Variants in TMSB15A observed in about 807,000 individuals in gnomAD.
TMSB15A encodes thymosin beta-15A.
In TMSB15A, 1 loss-of-function variant was observed where a neutral mutation model predicts 3.2. The observed-to-expected ratio is 0.32, with a 90% CI of 0.11 to 1.50. The LOEUF (loss-of-function observed/expected upper bound fraction) is 1.50. Among genes scored for constraint, TMSB15A ranks in the 40% most tolerant of loss-of-function variants. TMSB15A has a pLI of 0.39. For missense variants in TMSB15A, 22 were observed against 27.8 expected, an observed-to-expected ratio of 0.79 and a Z score of 0.47; for synonymous variants, 10 against 11.2, an observed-to-expected ratio of 0.90 and a Z score of 0.21.
chrX:102,514,024 A>T lies in TMSB15A; in HGVS notation c.*63T>A. 8.6e-7 allele frequency: 1 copy of T among 1,169,478 alleles called. No homozygotes were observed. Among genetic ancestry groups the T allele is most frequent in the Admixed American group, 2.2e-5 (1 of 45,961 alleles). ...CTACAAACACATGGGTTTACAAAAA[A>T]CAAGCCTAAAATCAAGACTCTCAGG... On this transcript the variant is annotated 3_prime_UTR_variant, in exon 3 of 3. Coordinates refer to ENST00000289373, the MANE Select transcript of TMSB15A (RefSeq NM_021992.3).
intron 2 of TMSB15A, 114 bp from the exon 3 acceptor site, chrX:102,514,238 G>T: frequency 1.2e-6 from 1 of 855,508 alleles, no homozygotes; most frequent in Non-Finnish European, 1.7e-6. Flanking sequence ...CTTAAATTTA[G>T]AATGCCAAGG....
intron 2 of TMSB15A, among the ~76,000 whole-genome samples, chrX:102,514,452 G>C (rs1240089661): frequency 8.9e-6 from 1 of 112,243 alleles, no homozygotes; most frequent in Non-Finnish European, 1.9e-5. Context: ...CAACTAGGAA[G>C]TTATACCTTT....
At chrX:102,514,962 A>T in intron 2 of TMSB15A, 102 bp downstream of exon 2, 1 of 854,133 alleles carries the variant, frequency 1.2e-6, no homozygotes, top group Non-Finnish European at 1.7e-6. Context: ...TACTCTAATT[A>T]TTGCTTACTT....
intron 1 of TMSB15A, among the ~76,000 whole-genome samples, chrX:102,515,487 G>C (rs1934884210): frequency 9.0e-6 from 1 of 111,713 alleles, no homozygotes; most frequent in African/African-American, 3.3e-5. Flanking sequence ...AAATGGAGGT[G>C]ATAGAAGCAC....
At chrX:102,516,297 G>C (rs1934894047) in intron 1 of TMSB15A, among the ~76,000 whole-genome samples, 1 of 113,119 alleles carries the variant, frequency 8.8e-6, no homozygotes, top group Admixed American at 9.2e-5. Context: ...ACGGCCACGG[G>C]AGGAGAAGGA....
intron 1 of TMSB15A, among the ~76,000 whole-genome samples, chrX:102,516,202 CA>C (rs1334813714): frequency 2.7e-5 from 3 of 112,207 alleles, no homozygotes; most frequent in Non-Finnish European, 5.6e-5. Context: ...TAAATAATAG[CA>C]GGGCCGGGTG....
At position 102,515,066 on chromosome X, in the gene TMSB15A, T is replaced by C; in HGVS notation, c.98A>G (p.Glu33Gly). Residue 33 changes from glutamate (E) to glycine (G), a missense_variant and splice_region_variant, in exon 2 of 3, where the codon GAA becomes GGA. Coordinates refer to ENST00000289373, the MANE Select transcript of TMSB15A (RefSeq NM_021992.3). The stretch of plus-strand genomic sequence containing the variant: ...CACTAGAACCCCCCATGACTTACTT[T>C]CCTTTGAGGGAAGAGTATTTTTTTC... ...TEEKNTLPSK[E>G]TIQQEKECVQ... 9.9e-6 allele frequency: 12 copies of C among 1,211,060 alleles called. No homozygotes were observed. Among genetic ancestry groups the C allele is most frequent in the Non-Finnish European group, 1.3e-5 (12 of 895,046 alleles).
Position 102,515,200 on chromosome X carries a change from T to G in TMSB15A, c.-17-20A>C. 8.4e-7 allele frequency: 1 copy of G among 1,192,376 alleles called. No homozygotes were observed. The highest frequency in any genetic ancestry group is 1.1e-6 in the Non-Finnish European group (1 of 883,664). ...GATAGCCTGAAAAGAATAAACATTT[T>G]TAAGAAAACTTACCTGGCAGAACTG... On this transcript the variant is annotated intron_variant, in intron 1 of 2. Transcript: ENST00000289373.
In TMSB15A at chrX:102,513,988, G is replaced by C; in HGVS notation, c.*99C>G. 1.0e-6 allele frequency: 1 copy of C among 962,736 alleles called. No individual in the cohort carries two copies. Among genetic ancestry groups the C allele is most frequent in the Middle Eastern group, 2.6e-4 (1 of 3,827 alleles). 79.3% of individuals were successfully genotyped at this position (962,736 alleles called of 1,213,427 possible). ...CATAGGTGAGAAGATATCCGAAGAC[G>C]CCTAAAATCTCTACAAACACATGGG... On this transcript the variant is annotated 3_prime_UTR_variant, in exon 3 of 3. Coordinates refer to ENST00000289373, the MANE Select transcript of TMSB15A (RefSeq NM_021992.3).
chrX:102,513,846 A>ATTG lies in TMSB15A; in HGVS notation c.*240_*241insCAA. The ATTG allele has an allele frequency of 9.7e-6, 4 of 412,153 alleles. No homozygotes were observed. In the East Asian group the frequency reaches 1.5e-4, roughly 16 times the overall value. The allele number at this position is 412,153 out of a possible 1,213,427, so 34.0% of individuals were successfully genotyped here. Reference sequence around the variant, plus strand: ...TAGGATGCAAGAACTACATACACAAAGGTCATCAATGGTGAGATTATTGAC... The same window carrying ATTG: ...TAGGATGCAAGAACTACATACACAAATTGGGTCATCAATGGTGAGATTATTGAC... On this transcript the variant is annotated 3_prime_UTR_variant, in exon 3 of 3. Transcript: ENST00000289373.
rs782316730 is a variant in TMSB15A, at chrX:102,515,700, C to G, written c.-17-520G>C. Among the ~76,000 whole-genome samples, 10 of 110,134 alleles carry G rather than the reference C, an allele frequency of 9.1e-5. No homozygotes were observed. The South Asian group carries it at 3.9e-3, about 43-fold the overall frequency. On this transcript the variant is annotated intron_variant, in intron 1 of 2. Coordinates refer to ENST00000289373, the MANE Select transcript of TMSB15A (RefSeq NM_021992.3). The stretch of plus-strand genomic sequence containing the variant: ...ACTAATTTCTTTCTATTTTAAATGC[C>G]CAAAGATGACAGTACATTAAGGCAT...
At chrX:102,514,640 T>C (rs1934874559) in intron 2 of TMSB15A, among the ~76,000 whole-genome samples, 1 of 111,744 alleles carries the variant, frequency 8.9e-6, no homozygotes, top group Admixed American at 9.5e-5. Context: ...ACTTGTTCAT[T>C]GTCTTTATCT....
chrX:102,516,141 T>C lies in TMSB15A; in HGVS notation c.-18+525A>G, dbSNP rs782046087. On this transcript the variant is annotated intron_variant, in intron 1 of 2. Transcript: ENST00000289373. ...TCGAGTTTACCCTAAGACCCTCCTC[T>C]GCCAAGCCATTAGACGCCAAGCTCA... Among the ~76,000 whole-genome samples the C allele has an allele frequency of 2.7e-5, 3 of 111,616 alleles. No homozygotes were observed. The South Asian group carries it at 1.1e-3, about 43-fold the overall frequency.
intron 2 of TMSB15A, among the ~76,000 whole-genome samples, chrX:102,514,586 C>T (rs1432288301): frequency 9.0e-6 from 1 of 111,651 alleles, no homozygotes; most frequent in Non-Finnish European, 1.9e-5. Context: ...AAACTGATCA[C>T]TTATCCCTTG....
At chrX:102,516,101 C>T (rs1017690368) in intron 1 of TMSB15A, among the ~76,000 whole-genome samples, 2 of 111,013 alleles carry the variant, frequency 1.8e-5, no homozygotes, top group Admixed American at 9.5e-5. Context: ...AAGTGCCGAA[C>T]ATGCCTCCAT....
chrX:102,514,804 T>C (rs1479821451), intron 2 of TMSB15A, among the ~76,000 whole-genome samples: 1 of 111,805 alleles, frequency 8.9e-6, no homozygotes, highest in Non-Finnish European at 1.9e-5. Context: ...TATTCCAAGA[T>C]TGATTTTTAA....
intron 1 of TMSB15A, among the ~76,000 whole-genome samples, chrX:102,515,556 G>T (rs1934886136): frequency 9.0e-6 from 1 of 110,743 alleles, no homozygotes; most frequent in African/African-American, 3.3e-5. Flanking sequence ...TAATGATTTT[G>T]TAACAGGAGA....
intron 2 of TMSB15A, 138 bp from the exon 3 acceptor site, chrX:102,514,262 T>C: frequency 1.5e-6 from 1 of 647,523 alleles, no homozygotes; most frequent in Non-Finnish European, 2.5e-6. Context: ...TAACCACAAA[T>C]CCTCACATTA....
At chrX:102,516,502 G>A (rs950650763) in intron 1 of TMSB15A, among the ~76,000 whole-genome samples, 164 bp downstream of exon 1, 2 of 113,026 alleles carry the variant, frequency 1.8e-5, no homozygotes, top group African/African-American at 6.4e-5. Flanking sequence ...CCCCCTGGAA[G>A]ACAAAGGCGC....
Sources: gnomAD v4.1 joint callset for allele counts (sites outside exome capture counted in the v4.1 genomes callset) on GRCh38, gnomAD v4.1.1 for gene constraint, MANE v1.5 for transcripts, NCBI Gene and HGNC (gene_info 2026-07-23, HGNC 2026-07-21) for gene names.